The following CCNB1IP1 variants were observed in gnomAD, a reference collection of about 807,000 sequenced individuals.
CCNB1IP1 encodes the protein cyclin B1 interacting protein 1.
A neutral mutation model predicts 25.6 loss-of-function variants in CCNB1IP1; 14 were observed. The observed-to-expected ratio is 0.55, with a 90% CI of 0.36 to 0.85. CCNB1IP1 has a LOEUF of 0.85. CCNB1IP1 is among the 40% of genes least tolerant of loss of function. The pLI, the probability that CCNB1IP1 is intolerant of heterozygous loss-of-function variation, is 0.01. For missense variants in CCNB1IP1, 278 were observed against 342.4 expected (o/e 0.81, Z 1.48); for synonymous variants, 119 against 116.1 (o/e 1.02, Z -0.16).
intron 4 of CCNB1IP1, among the ~76,000 whole-genome samples, chr14:20,320,056 T>A (rs1882842221): frequency 6.6e-6 from 1 of 152,260 alleles, no homozygotes; most frequent in Non-Finnish European, 1.5e-5. Flanking sequence ...ATCTGTGATT[T>A]GCCTGTTCAT....
chr14:20,314,185 T>C lies in CCNB1IP1; in HGVS notation c.298-384A>G, dbSNP rs77376753. 2,303 of 163,010 alleles carry C rather than the reference T, an allele frequency of 0.014. 126 individuals carry two copies. In the East Asian group the frequency reaches 0.15, roughly 11 times the overall value. The allele number at this position is 163,010 out of a possible 1,614,324, so 10.1% of individuals were successfully genotyped here. On this transcript the variant is annotated intron_variant, in intron 5 of 6. Transcript: ENST00000358932. ...TTATCGTCTCCTGGTACATACACCC[T>C]TGTGTAACTCCCTATCCCCTTGCAC...
intron 1 of CCNB1IP1, among the ~76,000 whole-genome samples, chr14:20,329,918 A>C (rs1251323582): frequency 6.6e-6 from 1 of 152,164 alleles, no homozygotes; most frequent in Non-Finnish European, 1.5e-5. Context: ...CCTCTGTAAA[A>C]TGAGGACAAA....
intron 4 of CCNB1IP1, chr14:20,320,338 A>G (rs574045922): frequency 2.4e-5 from 11 of 455,956 alleles, no homozygotes; most frequent in Non-Finnish European, 4.4e-5. Context: ...TCAAGAAAGC[A>G]AACATTCCAA....
At chr14:20,322,632 T>A (rs922024887) in intron 4 of CCNB1IP1, among the ~76,000 whole-genome samples, 17 of 149,296 alleles carry the variant, frequency 1.1e-4, no homozygotes, top group Non-Finnish European at 2.2e-4. Flanking sequence ...ATTTTTTTTT[T>A]TTTTTTGAGA....
chr14:20,328,892 A>G (rs1187429627), intron 2 of CCNB1IP1, among the ~76,000 whole-genome samples: 1 of 152,240 alleles, frequency 6.6e-6, no homozygotes, highest in Non-Finnish European at 1.5e-5. Flanking sequence ...AATGCTCCAT[A>G]AACAATCAAT....
In CCNB1IP1 at chr14:20,316,384, A is replaced by C. The variant is rs1957257190; in HGVS notation, c.140T>G (p.Ile47Ser). 1 of 1,613,916 alleles carries C rather than the reference A, an allele frequency of 6.2e-7. No homozygotes were observed. The highest frequency in any genetic ancestry group is 1.7e-5 in the Admixed American group (1 of 60,006). The change falls in exon 5 of 7, where the codon ATC (isoleucine) becomes AGC (serine). Residue 47 changes from isoleucine (I) to serine (S), a missense_variant. By Grantham distance (142) the Ile-to-Ser change is moderately radical. Transcript: ENST00000358932. ...GSGEFSRSPA[I>S]CPACNSTLSG... ...AAGGGTACTGTTGCAGGCAGGACAG[A>C]TAGCTGGTGAGCGACTAAACTCACC...
chr14:20,320,875 C>A (rs991549334), intron 4 of CCNB1IP1, among the ~76,000 whole-genome samples: 1 of 148,302 alleles, frequency 6.7e-6, no homozygotes. Flanking sequence ...CAATGGCTCA[C>A]GCCTATAATC....
chr14:20,322,142 T>C (rs1414465858), intron 4 of CCNB1IP1, among the ~76,000 whole-genome samples: 1 of 152,260 alleles, frequency 6.6e-6, no homozygotes, highest in Non-Finnish European at 1.5e-5. Context: ...ATAAATAGAT[T>C]GGTTTTGGCA....
chr14:20,313,925 C>T (rs1210598478), intron 5 of CCNB1IP1, 124 bp from the exon 6 acceptor site: 4 of 690,662 alleles, frequency 5.8e-6, no homozygotes, highest in African/African-American at 3.6e-5. Flanking sequence ...TCATTTAGAA[C>T]CCAGTTTAAG....
At chr14:20,315,683 G>T in intron 5 of CCNB1IP1, 1 of 1,226,778 alleles carries the variant, frequency 8.2e-7, no homozygotes, top group Non-Finnish European at 1.1e-6. Context: ...GCTTATCATA[G>T]CATTTTAATA....
intron 1 of CCNB1IP1, among the ~76,000 whole-genome samples, chr14:20,332,216 T>A (rs1357612161): frequency 6.6e-6 from 1 of 151,358 alleles, no homozygotes; most frequent in Non-Finnish European, 1.5e-5. Context: ...ATTTTAACAA[T>A]GCTTGAGAAT....
At chr14:20,313,864 T>A in intron 5 of CCNB1IP1, 63 bp from the exon 6 acceptor site, 5 of 1,236,186 alleles carry the variant, frequency 4.0e-6, no homozygotes, top group Non-Finnish European at 4.4e-6. Flanking sequence ...TGTAAAATGT[T>A]ATACAAACAC....
chr14:20,312,582 T>G (rs1305483775), intron 6 of CCNB1IP1, among the ~76,000 whole-genome samples: 1 of 151,972 alleles, frequency 6.6e-6, no homozygotes, highest in African/African-American at 2.4e-5. Flanking sequence ...AAATGAGTAT[T>G]AGGAAAGTCC....
chr14:20,313,419 A>G, intron 6 of CCNB1IP1, 49 bp downstream of exon 6: 2 of 1,435,648 alleles, frequency 1.4e-6, no homozygotes, highest in Non-Finnish European at 1.9e-6. Context: ...GAGCAGTATA[A>G]AAAATCATTG....
chr14:20,316,704 T>C lies in CCNB1IP1; in HGVS notation c.-37-144A>G, dbSNP rs549462774. 8.8e-6 allele frequency: 5 copies of C among 569,986 alleles called. No individual in the cohort carries two copies. The Admixed American group carries it at 9.1e-5, about 10-fold the overall frequency. The allele number at this position is 569,986 out of a possible 1,614,324, so 35.3% of individuals were successfully genotyped here. On this transcript the variant is annotated intron_variant, in intron 4 of 6. Coordinates refer to ENST00000358932, the MANE Select transcript of CCNB1IP1 (RefSeq NM_021178.5). Reference sequence around the variant, plus strand: ...GTATTTATTATAATTGATATATTGATTTCAGTTACTCAATAATATTAATTG... The same window carrying C: ...GTATTTATTATAATTGATATATTGACTTCAGTTACTCAATAATATTAATTG...
intron 6 of CCNB1IP1, among the ~76,000 whole-genome samples, chr14:20,313,206 C>A (rs913042295): frequency 6.6e-6 from 1 of 152,216 alleles, no homozygotes; most frequent in Non-Finnish European, 1.5e-5. Context: ...AACTACATAG[C>A]TTTTAACTTA....
chr14:20,315,532 A>G, intron 5 of CCNB1IP1: 1 of 1,198,622 alleles, frequency 8.3e-7, no homozygotes, highest in South Asian at 1.5e-5. Context: ...AAACATCCTT[A>G]AGAAGTATAA....
At chr14:20,320,768 G>A (rs1207080264) in intron 4 of CCNB1IP1, among the ~76,000 whole-genome samples, 15 of 142,708 alleles carry the variant, frequency 1.1e-4, no homozygotes, top group South Asian at 2.2e-4. Context: ...TCACACCACC[G>A]CACTCCAGTC....
At chr14:20,326,442 C>G (rs772049392) in intron 3 of CCNB1IP1, 2 of 531,698 alleles carry the variant, frequency 3.8e-6, no homozygotes, top group African/African-American at 1.9e-5. Flanking sequence ...GTGTTTGCCC[C>G]TAGCTTTAGT....
Sources: allele counts gnomAD v4.1 joint callset (sites outside exome capture counted in the v4.1 genomes callset), GRCh38; gene constraint gnomAD v4.1.1; transcripts MANE v1.5; gene names NCBI Gene and HGNC (gene_info 2026-07-23, HGNC 2026-07-21).